AFF3: variants seen among roughly 807,000 people sequenced by gnomAD.
AFF3 encodes ALF transcription elongation factor 3.
Under a neutral mutation model 129.7 loss-of-function variants are expected in AFF3, and 32 were observed. The observed-to-expected ratio is 0.25, with a 90% CI of 0.19 to 0.33. The LOEUF (loss-of-function observed/expected upper bound fraction) is 0.33. AFF3 is among the 10% of genes least tolerant of loss of function. The probability of loss-of-function intolerance (pLI) is 1.00; values close to 1 mark genes in which losing one functional copy is unlikely to be tolerated. For missense variants in AFF3, 1,373 were observed against 1,592.0 expected (o/e 0.86, Z 2.34); for synonymous variants, 644 against 635.4 (o/e 1.01, Z -0.20).
At chr2:99,723,508 A>G (rs1679091136) in intron 11 of AFF3, among the ~76,000 whole-genome samples, 1 of 152,144 alleles carries the variant, frequency 6.6e-6, no homozygotes, top group South Asian at 2.1e-4. Context: ...AATATGAGAG[A>G]GGCATCTTTC....
chr2:99,710,793 C>A (rs555523717), intron 11 of AFF3, among the ~76,000 whole-genome samples: 4 of 152,254 alleles, frequency 2.6e-5, no homozygotes, highest in South Asian at 2.1e-4. Flanking sequence ...TGCGGTAGAA[C>A]CTTGGAGGCA....
Position 99,791,785 on chromosome 2 carries a change from G to A in AFF3, c.922-39484C>T, listed in dbSNP as rs550430557. Among the ~76,000 whole-genome samples, 26 of 150,272 alleles carry A rather than the reference G, an allele frequency of 1.7e-4. 1 individual carries two copies. The East Asian group carries it at 4.9e-3, about 28-fold the overall frequency. On this transcript the variant is annotated intron_variant, in intron 8 of 24. Coordinates refer to ENST00000672756, the MANE Select transcript of AFF3 (RefSeq NM_001386135.1). Reference sequence around the variant, plus strand: ...TTTCAGCTTTCCTACTGTCCTTTTTGTGGTATATTTAGTGCCATATTTTTT... The same window carrying A: ...TTTCAGCTTTCCTACTGTCCTTTTTATGGTATATTTAGTGCCATATTTTTT...
intron 18 of AFF3, among the ~76,000 whole-genome samples, chr2:99,577,444 G>C (rs1677105526): frequency 6.6e-6 from 1 of 152,156 alleles, no homozygotes; most frequent in South Asian, 2.1e-4. Flanking sequence ...TGGACATGTA[G>C]AGCCATTTTA....
At chr2:100,104,824 C>T (rs1691134859) in intron 3 of AFF3, 12 of 607,650 alleles carry the variant, frequency 2.0e-5, no homozygotes, top group Non-Finnish European at 2.5e-5. Flanking sequence ...GCCGCCGCCG[C>T]GGTGCTCTGC....
chr2:99,812,135 T>A lies in AFF3; in HGVS notation c.921+25342A>T, dbSNP rs1377779577. Among the ~76,000 whole-genome samples, 5 of 152,216 alleles carry A rather than the reference T, an allele frequency of 3.3e-5. No individual in the cohort carries two copies. In the East Asian group the frequency reaches 9.7e-4, roughly 29 times the overall value. The stretch of plus-strand genomic sequence containing the variant: ...CCAATGCAAAGAGATGCCCTGATGA[T>A]TAGTGTAAGGTGGCCAATCCTGATG... On this transcript the variant is annotated intron_variant, in intron 8 of 24. Transcript: ENST00000672756.
intron 11 of AFF3, among the ~76,000 whole-genome samples, chr2:99,687,385 G>A (rs1346644590): frequency 2.0e-5 from 3 of 152,240 alleles, no homozygotes; most frequent in Non-Finnish European, 2.9e-5. Flanking sequence ...CGGTATGGCA[G>A]GGGCCAGATG....
chr2:99,676,838 C>T (rs969402788), intron 11 of AFF3, among the ~76,000 whole-genome samples: 4 of 152,164 alleles, frequency 2.6e-5, no homozygotes, highest in African/African-American at 4.8e-5. Context: ...ACAGTAAACA[C>T]GCCTATCAGC....
chr2:99,805,723 C>T (rs985179351), intron 8 of AFF3, among the ~76,000 whole-genome samples: 20 of 151,854 alleles, frequency 1.3e-4, no homozygotes, highest in African/African-American at 4.1e-4. Context: ...CCTATTGCTT[C>T]ACAATTATGT....
intron 7 of AFF3, among the ~76,000 whole-genome samples, chr2:99,998,885 T>C (rs1378435949): frequency 2.6e-5 from 4 of 152,196 alleles, no homozygotes; most frequent in African/African-American, 9.6e-5. Flanking sequence ...TTCTAAGAAC[T>C]CTGCATATTT....
chr2:99,961,677 A>G (rs1677223096), intron 7 of AFF3, among the ~76,000 whole-genome samples: 1 of 152,198 alleles, frequency 6.6e-6, no homozygotes, highest in South Asian at 2.1e-4. Flanking sequence ...AAATACCACA[A>G]GGGGCAGCCA....
At chr2:99,667,815 A>C (rs958350116) in intron 12 of AFF3, among the ~76,000 whole-genome samples, 2 of 152,178 alleles carry the variant, frequency 1.3e-5, no homozygotes, top group African/African-American at 2.4e-5. Flanking sequence ...CAGATAATCT[A>C]ATAGCCCTAT....
At chr2:99,791,352 A>G (rs553173297) in intron 8 of AFF3, among the ~76,000 whole-genome samples, 1 of 152,356 alleles carries the variant, frequency 6.6e-6, no homozygotes, top group Admixed American at 6.5e-5. Context: ...ATGTACTTTA[A>G]TAAATAATCC....
intron 8 of AFF3, among the ~76,000 whole-genome samples, chr2:99,759,521 C>G (rs1682406057): frequency 6.6e-6 from 1 of 152,184 alleles, no homozygotes; most frequent in African/African-American, 2.4e-5. Context: ...ACTGAACATC[C>G]ACATTTCAAT....
intron 7 of AFF3, among the ~76,000 whole-genome samples, chr2:99,889,772 C>A (rs1693406985): frequency 6.6e-6 from 1 of 152,190 alleles, no homozygotes; most frequent in Admixed American, 6.5e-5. Context: ...AATTCTCCTG[C>A]CTCAGCCTCC....
Position 99,594,302 on chromosome 2 carries a change from A to G in AFF3, c.1372-13T>C. 6.3e-7 allele frequency: 1 copy of G among 1,586,130 alleles called. No homozygotes were observed. ...ATGCCGGTTCAGCCTGAAAGCAGAA[A>G]ACCGGTGACAAACAAAACATCTTTC... On this transcript the variant is annotated splice_polypyrimidine_tract_variant and intron_variant, in intron 14 of 24. Coordinates refer to ENST00000672756, the MANE Select transcript of AFF3 (RefSeq NM_001386135.1).
intron 8 of AFF3, among the ~76,000 whole-genome samples, chr2:99,761,805 A>T (rs1478728668): frequency 6.6e-6 from 1 of 152,158 alleles, no homozygotes; most frequent in African/African-American, 2.4e-5. Context: ...TCCATCTCGA[A>T]CACTTACTAT....
At chr2:99,835,650 C>A (rs72819120) in intron 8 of AFF3, among the ~76,000 whole-genome samples, 19,241 of 152,106 alleles carry the variant, frequency 0.13, 1,376 homozygotes, top group Admixed American at 0.22. Context: ...ATCTCTCTTT[C>A]CTCCTCGTCC....
chr2:100,055,208 T>C (rs1028513575), intron 4 of AFF3, among the ~76,000 whole-genome samples: 18 of 152,076 alleles, frequency 1.2e-4, no homozygotes, highest in Non-Finnish European at 5.9e-5. Context: ...AGGGAAGGCC[T>C]TTATATTTTT....
intron 4 of AFF3, among the ~76,000 whole-genome samples, chr2:100,085,228 A>C (rs1689328373): frequency 7.0e-6 from 1 of 142,680 alleles, no homozygotes. Context: ...TGTCTTTAGC[A>C]GAAATATACT....
Sources: allele counts gnomAD v4.1 joint callset (sites outside exome capture counted in the v4.1 genomes callset), GRCh38; gene constraint gnomAD v4.1.1; transcripts MANE v1.5; gene names NCBI Gene and HGNC (gene_info 2026-07-23, HGNC 2026-07-21).